The following C1orf87 variants were observed in gnomAD, a reference collection of about 807,000 sequenced individuals.
The protein encoded by C1orf87 is uncharacterized protein C1orf87.
Under a neutral mutation model 60.5 loss-of-function variants are expected in C1orf87, and 58 were observed. The observed-to-expected ratio is 0.96, with a 90% CI of 0.78 to 1.19. The LOEUF (loss-of-function observed/expected upper bound fraction) is 1.19, where lower values mean the gene tolerates loss of function less well. C1orf87 is among the 50% of genes most tolerant of loss of function. The pLI is 0.00. For missense variants in C1orf87, 673 were observed against 638.6 expected (o/e 1.05, Z -0.58); for synonymous variants, 236 against 227.4 (o/e 1.04, Z -0.34).
At chr1:60,073,509 T>C (rs148924693) in intron 1 of C1orf87, among the ~76,000 whole-genome samples, 181 bp downstream of exon 1, 28 of 152,270 alleles carry the variant, frequency 1.8e-4, no homozygotes, top group African/African-American at 6.7e-4. Context: ...CCAGGGTTCT[T>C]CCCAAAAGTC....
chr1:60,024,801 A>G (rs1023313647), intron 8 of C1orf87, among the ~76,000 whole-genome samples: 3 of 152,110 alleles, frequency 2.0e-5, no homozygotes, highest in Non-Finnish European at 4.4e-5. Flanking sequence ...TCTGAGAATC[A>G]CTGCTTCATA....
At chr1:60,036,847 A>G (rs1340199771) in intron 6 of C1orf87, among the ~76,000 whole-genome samples, 1 of 152,200 alleles carries the variant, frequency 6.6e-6, no homozygotes, top group African/African-American at 2.4e-5. Context: ...TGAAGTGACT[A>G]TGGATGCCTG....
intron 7 of C1orf87, among the ~76,000 whole-genome samples, chr1:60,026,377 T>C (rs1645197942): frequency 6.6e-6 from 1 of 152,176 alleles, no homozygotes; most frequent in Admixed American, 6.5e-5. Flanking sequence ...GATTGCATGA[T>C]AAAATTAGCA....
At chr1:60,004,161 G>C (rs570338953) in intron 9 of C1orf87, among the ~76,000 whole-genome samples, 2 of 152,160 alleles carry the variant, frequency 1.3e-5, no homozygotes, top group South Asian at 4.1e-4. Context: ...CGTGGGGAAA[G>C]GGGAGGAGGA....
rs1231161838 is a variant in C1orf87, at chr1:60,040,193, T to C, written c.484-13A>G. 2 of 1,603,296 alleles carry C rather than the reference T, an allele frequency of 1.2e-6. No individual in the cohort carries two copies. Among genetic ancestry groups the C allele is most frequent in the African/African-American group, 1.4e-5 (1 of 73,958 alleles). On this transcript the variant is annotated splice_polypyrimidine_tract_variant and intron_variant, in intron 4 of 11. Transcript: ENST00000371201. ...TCTGGCCAATATCCTAACACAACAA[T>C]GAAAAACAAAGAGCAAGACTCTTCA...
At chr1:60,056,069 C>T (rs1479999063) in intron 2 of C1orf87, among the ~76,000 whole-genome samples, 2 of 151,954 alleles carry the variant, frequency 1.3e-5, no homozygotes, top group Admixed American at 6.6e-5. Flanking sequence ...TACGGTGAAA[C>T]CCCGTCTCTA....
rs747068798 is a variant in C1orf87 at position 59,990,782 on chromosome 1, A to G, written c.1532T>C (p.Ile511Thr). 1.2e-6 allele frequency: 2 copies of G among 1,614,090 alleles called. No individual in the cohort carries two copies. Among genetic ancestry groups the G allele is most frequent in the Non-Finnish European group, 1.7e-6 (2 of 1,179,964 alleles). The part of the protein sequence containing the change: ...ARRLIHNYNL[I>T]YNLSLSPQKI... ...CTGAGGGCTCAGGGACAGGTTGTAA[A>G]TGAGATTGTAGTTGTGAATGAGGCG... The change falls in exon 12 of 12, where the codon ATT (isoleucine) becomes ACT (threonine). Residue 511 changes from isoleucine (I) to threonine (T), a missense_variant. Coordinates refer to ENST00000371201, the MANE Select transcript of C1orf87 (RefSeq NM_152377.3).
intron 10 of C1orf87, among the ~76,000 whole-genome samples, chr1:59,999,510 T>C (rs1644986662): frequency 6.6e-6 from 1 of 152,128 alleles, no homozygotes; most frequent in Admixed American, 6.6e-5. Context: ...GAGAAATTAC[T>C]TTTAAGTAGT....
At chr1:60,007,057 A>G (rs543672911) in intron 9 of C1orf87, among the ~76,000 whole-genome samples, 1 of 151,986 alleles carries the variant, frequency 6.6e-6, no homozygotes, top group African/African-American at 2.4e-5. Context: ...GACTACAGGC[A>G]TGCACCTCTA....
At chr1:60,042,984 A>G (rs1390640209) in intron 3 of C1orf87, among the ~76,000 whole-genome samples, 7 of 152,242 alleles carry the variant, frequency 4.6e-5, no homozygotes, top group Non-Finnish European at 1.0e-4. Context: ...GGCTTGCAAC[A>G]TAAGTCAGAT....
In C1orf87 at chr1:60,045,300, C is replaced by CT. The variant is rs568523931; in HGVS notation, c.343-4170dup. ...GAAACATTAAGTAAAAAGTTGTATA[C>CT]TTTTTTTTTAAGAAATGTAGACTTA... On this transcript the variant is annotated intron_variant, in intron 3 of 11. Transcript: ENST00000371201. 7.0e-3 allele frequency among the ~76,000 whole-genome samples: 1,063 copies of CT among 151,006 alleles called. 11 individuals carry two copies. Among genetic ancestry groups the CT allele is most frequent in the African/African-American group, 0.024 (991 of 41,156 alleles).
At chr1:60,064,820 AAT>A (rs1491504114) in intron 2 of C1orf87, among the ~76,000 whole-genome samples, 11 of 92,304 alleles carry the variant, frequency 1.2e-4, no homozygotes, top group Admixed American at 1.8e-4. Flanking sequence ...AATATATATA[AAT>A]ATATATTAAA....
chr1:60,008,758 T>C lies in C1orf87; in HGVS notation c.1192+1634A>G, dbSNP rs41287726. ...ACGTGACATCACTTCAATGGTCTCC[T>C]CATTGAAAATATGATGCTTTGTAAG... is the stretch of plus-strand genomic sequence containing the variant. On this transcript the variant is annotated intron_variant, in intron 9 of 11. Coordinates refer to ENST00000371201, the MANE Select transcript of C1orf87 (RefSeq NM_152377.3). The C allele has an allele frequency of 3.1e-4, 139 of 446,016 alleles. 1 individual carries two copies. The highest frequency in any genetic ancestry group is 7.8e-4 in the Admixed American group (31 of 39,628). 27.6% of individuals were successfully genotyped at this position (446,016 alleles called of 1,614,324 possible).
At chr1:60,004,644 A>C (rs1645029865) in intron 9 of C1orf87, among the ~76,000 whole-genome samples, 1 of 152,060 alleles carries the variant, frequency 6.6e-6, no homozygotes, top group Admixed American at 6.6e-5. Context: ...TGGCTTGCAC[A>C]TGTAAAAATT....
intron 8 of C1orf87, among the ~76,000 whole-genome samples, chr1:60,022,733 G>C (rs920103645): frequency 7.2e-5 from 11 of 151,924 alleles, no homozygotes; most frequent in African/African-American, 2.7e-4. Context: ...GCATATCCAA[G>C]TTGCCAGCAT....
At chr1:59,997,554 T>C in intron 11 of C1orf87, 55 bp downstream of exon 11, 1 of 1,573,408 alleles carries the variant, frequency 6.4e-7, no homozygotes, top group Non-Finnish European at 8.7e-7. Context: ...AGGTGCCTAC[T>C]TTTAGACTAG....
At chr1:60,055,040 C>A (rs1645442638) in intron 3 of C1orf87, among the ~76,000 whole-genome samples, 164 bp downstream of exon 3, 1 of 152,066 alleles carries the variant, frequency 6.6e-6, no homozygotes, top group Non-Finnish European at 1.5e-5. Flanking sequence ...TACAAAATGA[C>A]CCTGAAGTTC....
At chr1:60,032,013 C>A (rs1645241482) in intron 7 of C1orf87, among the ~76,000 whole-genome samples, 1 of 152,106 alleles carries the variant, frequency 6.6e-6, no homozygotes, top group Non-Finnish European at 1.5e-5. Context: ...CATACACACA[C>A]ACACACACAG....
At chr1:60,045,255 G>A (rs1027736845) in intron 3 of C1orf87, among the ~76,000 whole-genome samples, 2 of 152,018 alleles carry the variant, frequency 1.3e-5, no homozygotes, top group African/African-American at 4.8e-5. Flanking sequence ...GGGCAGTAGT[G>A]ATAATGAGGA....
Sources: allele counts gnomAD v4.1 joint callset (sites outside exome capture counted in the v4.1 genomes callset), GRCh38; gene constraint gnomAD v4.1.1; transcripts MANE v1.5; gene names NCBI Gene and HGNC (gene_info 2026-07-23, HGNC 2026-07-21).